PASD1: variants seen among roughly 807,000 people sequenced by gnomAD.
The protein encoded by PASD1 is circadian clock protein PASD1.
A neutral mutation model predicts 58.8 loss-of-function variants in PASD1; 13 were observed. That is an observed-to-expected ratio of 0.22 (90% CI 0.14 to 0.35). The LOEUF is 0.35. Among genes scored for constraint, PASD1 ranks in the 10% least tolerant of loss-of-function variants. The probability of loss-of-function intolerance (pLI) is 1.00; values close to 1 mark genes in which losing one functional copy is unlikely to be tolerated. For synonymous variants in PASD1, 236 were observed against 216.7 expected (o/e 1.09, Z -0.78); for missense variants, 734 against 568.3 (o/e 1.29, Z -2.96).
chrX:151,664,204 T>A lies in PASD1; in HGVS notation c.927T>A (p.Asp309Glu), dbSNP rs1602963458. Residue 309 changes from aspartate to glutamate, a missense_variant, in exon 11 of 16, where the codon GAT becomes GAA. Physicochemically the swap from Asp to Glu is conservative, Grantham distance 45. Coordinates refer to ENST00000370357, the MANE Select transcript of PASD1 (RefSeq NM_173493.3). The part of the protein sequence containing the change: ...ADPVDLEFSV[D>E]QVDSVDQEGP... ...CAGTGGACCTGGAGTTCTCGGTGGATCAGGTGGACTCAGTGGACCAGGAGG... is the reference window on the plus strand; with the variant it reads ...CAGTGGACCTGGAGTTCTCGGTGGAACAGGTGGACTCAGTGGACCAGGAGG... 1 of 1,209,694 alleles carries A rather than the reference T, an allele frequency of 8.3e-7. No individual in the cohort carries two copies. Among genetic ancestry groups the A allele is most frequent in the East Asian group, 3.0e-5 (1 of 33,717 alleles).
intron 8 of PASD1, among the ~76,000 whole-genome samples, chrX:151,631,466 C>T (rs1448630249): frequency 8.9e-6 from 1 of 111,979 alleles, no homozygotes; most frequent in East Asian, 2.8e-4. Flanking sequence ...TTAATTTCAC[C>T]TTAAACTTAG....
At position 151,621,981 on chromosome X, in the gene PASD1, A is replaced by C. The variant is rs751551055; in HGVS notation, c.418+389A>C. Among the ~76,000 whole-genome samples, 3 of 110,097 alleles carry C rather than the reference A, an allele frequency of 2.7e-5. No individual in the cohort carries two copies. The East Asian group carries it at 8.7e-4, about 32-fold the overall frequency. On this transcript the variant is annotated intron_variant, in intron 6 of 15. Transcript: ENST00000370357. ...GGCCTCGGTGGATTTTAAGTCATGC[A>C]TAGGCTCCATTGGCTGGGGTCGGGA...
At chrX:151,589,592 C>G (rs142974024) in intron 1 of PASD1, among the ~76,000 whole-genome samples, 3 of 111,288 alleles carry the variant, frequency 2.7e-5, no homozygotes, top group Non-Finnish European at 5.6e-5. Flanking sequence ...GTATTATAAC[C>G]CCCATTTTAA....
chrX:151,633,864 T>TA lies in PASD1; in HGVS notation c.629+8335dup, dbSNP rs1452011738. ...AATTATCTGATATATTTGCCTATTTTATGAAAAGCAATTTTAAATAAATAT... is the reference window on the plus strand; with the variant it reads ...AATTATCTGATATATTTGCCTATTTTAATGAAAAGCAATTTTAAATAAATAT... On this transcript the variant is annotated intron_variant, in intron 8 of 15. Transcript: ENST00000370357. Among the ~76,000 whole-genome samples the TA allele has an allele frequency of 2.7e-5, 3 of 112,210 alleles. No individual in the cohort carries two copies. In the East Asian group the frequency reaches 8.4e-4, roughly 31 times the overall value.
Position 151,657,610 on chromosome X carries a change from T to G in PASD1, c.718-2103T>G, listed in dbSNP as rs541253646. ...TGGGAGGGCGTATGTGTCCAGGAAT[T>G]TATCCATTTCTTCTACATTTTCTAG... On this transcript the variant is annotated intron_variant, in intron 9 of 15. Coordinates refer to ENST00000370357, the MANE Select transcript of PASD1 (RefSeq NM_173493.3). Among the ~76,000 whole-genome samples the G allele has an allele frequency of 1.3e-3, 140 of 111,861 alleles. 1 individual carries two copies. Among genetic ancestry groups the G allele is most frequent in the African/African-American group, 4.1e-3 (128 of 30,853 alleles).
intron 1 of PASD1, among the ~76,000 whole-genome samples, chrX:151,571,204 T>G (rs1484932961): frequency 8.9e-6 from 1 of 112,328 alleles, no homozygotes; most frequent in Non-Finnish European, 1.9e-5. Flanking sequence ...GAACAGATTA[T>G]TAAAATGGAA....
chrX:151,673,215 T>G lies in PASD1; in HGVS notation c.1916+554T>G, dbSNP rs113220347. ...GTGGCAATATAGGGACATGAACACA[T>G]TTCTGCTCAATAATAAGGTCTTCAG... On this transcript the variant is annotated intron_variant, in intron 14 of 15. Transcript: ENST00000370357. 381 of 118,346 alleles carry G rather than the reference T, an allele frequency of 3.2e-3. 1 individual carries two copies. The highest frequency in any genetic ancestry group is 0.011 in the African/African-American group (357 of 31,139). 9.8% of individuals were successfully genotyped at this position (118,346 alleles called of 1,213,427 possible). A position where few individuals can be genotyped will look rare whatever the true frequency, so the allele number is the denominator to read the frequency against.
At chrX:151,619,877 G>A (rs1432522048) in intron 4 of PASD1, among the ~76,000 whole-genome samples, 2 of 110,858 alleles carry the variant, frequency 1.8e-5, no homozygotes, top group South Asian at 3.9e-4. Flanking sequence ...AGTGAGAGGC[G>A]GTAATGTAAA....
In PASD1 at chrX:151,600,583, A is replaced by G. The variant is rs1484047776; in HGVS notation, c.-27-944A>G. Among the ~76,000 whole-genome samples the G allele has an allele frequency of 2.7e-5, 3 of 110,281 alleles. No homozygotes were observed. In the East Asian group the frequency reaches 8.6e-4, roughly 32 times the overall value. On this transcript the variant is annotated intron_variant, in intron 1 of 15. Coordinates refer to ENST00000370357, the MANE Select transcript of PASD1 (RefSeq NM_173493.3). The stretch of plus-strand genomic sequence containing the variant: ...GTTGGTAGGAGGATTTTTTTTTTCA[A>G]TGTAATGTTAGCCTCTGGGAGTCCT...
intron 1 of PASD1, among the ~76,000 whole-genome samples, chrX:151,575,773 C>G (rs929843919): frequency 2.4e-4 from 27 of 111,144 alleles, no homozygotes; most frequent in Non-Finnish European, 3.8e-4. Flanking sequence ...TCCACCTCAG[C>G]CTCCTCAGTA....
In PASD1 at chrX:151,648,699, A is replaced by T. The variant is rs1433841467; in HGVS notation, c.714A>T (p.Ser238=). The T allele has an allele frequency of 3.3e-6, 4 of 1,208,353 alleles. No homozygotes were observed. Among genetic ancestry groups the T allele is most frequent in the Non-Finnish European group, 3.4e-6 (3 of 894,363 alleles). ...CTGCTGCTGCTGCTGCTGCTATCTC[A>T]GACGTATGTACATTGAGGACCATAG... is the stretch of plus-strand genomic sequence containing the variant. ...PAAAAAAAAI[S]DDQIDIAEVE... Residue 238 remains serine, a synonymous_variant, in exon 9 of 16, where the codon TCA becomes TCT. Transcript: ENST00000370357.
In PASD1 at chrX:151,601,722, T is replaced by C. The variant is rs778844989; in HGVS notation, c.28+141T>C. ...ATGTGGTTTCTCCAGTGTTTTTTTT[T>C]CATAACTCTCAGCTCCAGCTCTATT... On this transcript the variant is annotated intron_variant, in intron 2 of 15. Transcript: ENST00000370357. 2.7e-5 allele frequency: 15 copies of C among 550,940 alleles called. No individual in the cohort carries two copies. The South Asian group carries it at 4.3e-4, about 16-fold the overall frequency. 45.4% of individuals were successfully genotyped at this position (550,940 alleles called of 1,213,427 possible).
chrX:151,606,378 G>A (rs2013489400), intron 3 of PASD1, among the ~76,000 whole-genome samples: 1 of 111,327 alleles, frequency 9.0e-6, no homozygotes, highest in African/African-American at 3.3e-5. Flanking sequence ...GGGGTTTGGA[G>A]GGCAAGAGAG....
chrX:151,568,070 C>T (rs1487279825), intron 1 of PASD1, among the ~76,000 whole-genome samples: 1 of 112,107 alleles, frequency 8.9e-6, no homozygotes, highest in Non-Finnish European at 1.9e-5. Context: ...CTTTGACGTC[C>T]CAGTTTACAC....
intron 1 of PASD1, among the ~76,000 whole-genome samples, chrX:151,568,069 C>T (rs148402662): frequency 0.015 from 1,649 of 112,180 alleles, 8 homozygotes; most frequent in Non-Finnish European, 0.023. Context: ...CCTTTGACGT[C>T]CCAGTTTACA....
rs144961869 is a variant in PASD1 at position 151,629,409 on chromosome X, C to T, written c.629+3879C>T. On this transcript the variant is annotated intron_variant, in intron 8 of 15. Coordinates refer to ENST00000370357, the MANE Select transcript of PASD1 (RefSeq NM_173493.3). ...CTGGGATTAAAGGTGTGATCCACTGCGACCAGCCAGAATCTAAATTTTACG... is the reference window on the plus strand; with the variant it reads ...CTGGGATTAAAGGTGTGATCCACTGTGACCAGCCAGAATCTAAATTTTACG... 2.6e-3 allele frequency among the ~76,000 whole-genome samples: 290 copies of T among 111,710 alleles called. 1 individual carries two copies. Among genetic ancestry groups the T allele is most frequent in the African/African-American group, 9.1e-3 (279 of 30,730 alleles).
intron 8 of PASD1, among the ~76,000 whole-genome samples, chrX:151,646,923 A>T (rs1375474153): frequency 8.9e-6 from 1 of 112,721 alleles, no homozygotes; most frequent in African/African-American, 3.2e-5. Flanking sequence ...GAAAAAGTAG[A>T]TAGAAAGTAA....
At position 151,589,099 on chromosome X, in the gene PASD1, C is replaced by A. The variant is rs746421579; in HGVS notation, c.-27-12428C>A. Among the ~76,000 whole-genome samples, 7 of 111,932 alleles carry A rather than the reference C, an allele frequency of 6.3e-5. No individual in the cohort carries two copies. The East Asian group carries it at 2.0e-3, about 31-fold the overall frequency. On this transcript the variant is annotated intron_variant, in intron 1 of 15. Coordinates refer to ENST00000370357, the MANE Select transcript of PASD1 (RefSeq NM_173493.3). Reference sequence around the variant, plus strand: ...TGCTCAGAAACACTCGGAGCAAGGACTGATCTGATCACCCCCTTTCCCCAT... The same window carrying A: ...TGCTCAGAAACACTCGGAGCAAGGAATGATCTGATCACCCCCTTTCCCCAT...
chrX:151,615,825 T>A (rs899385895), intron 4 of PASD1, among the ~76,000 whole-genome samples: 1 of 112,476 alleles, frequency 8.9e-6, no homozygotes, highest in African/African-American at 3.2e-5. Flanking sequence ...ACCTTTAGTT[T>A]CTCTTCTATA....
Sources: gnomAD v4.1 joint callset for allele counts (sites outside exome capture counted in the v4.1 genomes callset) on GRCh38, gnomAD v4.1.1 for gene constraint, MANE v1.5 for transcripts, NCBI Gene and HGNC (gene_info 2026-07-23, HGNC 2026-07-21) for gene names.